SLC27A2: variants seen among roughly 807,000 people sequenced by gnomAD.
The protein encoded by SLC27A2 is long-chain fatty acid transport protein 2.
SLC27A2 carries 54 observed loss-of-function variants against 60.0 expected under a neutral mutation model. The observed-to-expected ratio is 0.90, with a 90% CI of 0.72 to 1.13. The LOEUF (loss-of-function observed/expected upper bound fraction) is 1.13, where lower values mean the gene tolerates loss of function less well. Ranked by LOEUF, SLC27A2 falls within the 50% of genes most tolerant of loss-of-function variation. The pLI, the probability that SLC27A2 is intolerant of heterozygous loss-of-function variation, is 0.00. For missense variants in SLC27A2, 739 were observed against 777.6 expected (o/e 0.95, Z 0.59); for synonymous variants, 297 against 297.6 (o/e 1.00, Z 0.02).
At chr15:50,230,596 A>T (rs8041232) in intron 8 of SLC27A2, among the ~76,000 whole-genome samples, 22,079 of 152,154 alleles carry the variant, frequency 0.15, 1,662 homozygotes, top group Middle Eastern at 0.18. Context: ...TCCCCAACTC[A>T]GGGACAATGA....
intron 2 of SLC27A2, among the ~76,000 whole-genome samples, chr15:50,199,906 C>A (rs1399898642): frequency 1.3e-5 from 2 of 152,114 alleles, no homozygotes; most frequent in African/African-American, 4.8e-5. Flanking sequence ...GGTGACAGAG[C>A]AAGGCACTGT....
intron 1 of SLC27A2, among the ~76,000 whole-genome samples, chr15:50,190,363 A>C (rs1030872118): frequency 6.6e-6 from 1 of 152,068 alleles, no homozygotes; most frequent in Non-Finnish European, 1.5e-5. Context: ...TCCTTTCACT[A>C]CCTTCCTTTT....
At chr15:50,222,920 T>C in intron 4 of SLC27A2, 45 bp from the exon 5 acceptor site, 1 of 1,450,108 alleles carries the variant, frequency 6.9e-7, no homozygotes, top group Non-Finnish European at 9.5e-7. Flanking sequence ...AAGCATAGGC[T>C]CCAGAGATGT....
At chr15:50,211,530 G>T (rs927447438) in intron 4 of SLC27A2, among the ~76,000 whole-genome samples, 1 of 152,138 alleles carries the variant, frequency 6.6e-6, no homozygotes, top group Non-Finnish European at 1.5e-5. Context: ...AAATGAGAAG[G>T]AATCAGAAAA....
At chr15:50,218,687 C>T (rs761218074) in intron 4 of SLC27A2, among the ~76,000 whole-genome samples, 3 of 151,590 alleles carry the variant, frequency 2.0e-5, no homozygotes, top group Non-Finnish European at 2.9e-5. Context: ...CAAGTCTCCA[C>T]AAAAAAATAG....
intron 1 of SLC27A2, among the ~76,000 whole-genome samples, chr15:50,196,061 A>AAAAAAATAAAAAAAT (rs1567428283): frequency 6.0e-5 from 1 of 16,716 alleles, no homozygotes; most frequent in Admixed American, 8.8e-4. Context: ...CTCAAAAAAA[A>AAAAAAATAAAAAAAT]AAAAAAAAAA....
chr15:50,235,850 C>A, intron 9 of SLC27A2, 70 bp from the exon 10 acceptor site: 1 of 1,269,426 alleles, frequency 7.9e-7, no homozygotes, highest in Non-Finnish European at 1.1e-6. Flanking sequence ...TGCCCCACCC[C>A]TACCCCTTGC....
At chr15:50,222,387 G>T (rs2045249275) in intron 4 of SLC27A2, among the ~76,000 whole-genome samples, 1 of 152,138 alleles carries the variant, frequency 6.6e-6, no homozygotes, top group Admixed American at 6.5e-5. Context: ...TCCAACTGTT[G>T]CTCTTTAATG....
At chr15:50,188,648 A>G (rs972641962) in intron 1 of SLC27A2, among the ~76,000 whole-genome samples, 2 of 152,190 alleles carry the variant, frequency 1.3e-5, no homozygotes, top group African/African-American at 2.4e-5. Context: ...TCTAGCACAT[A>G]GTAGGCAGGC....
In SLC27A2 at chr15:50,219,706, A is replaced by G. The variant is rs566171092; in HGVS notation, c.973-3259A>G. ...GCTATCACCTTTCATAGGGTTCTTTAGAAACAGGTCAACTGCCTGACCCAC... is the reference window on the plus strand; with the variant it reads ...GCTATCACCTTTCATAGGGTTCTTTGGAAACAGGTCAACTGCCTGACCCAC... On this transcript the variant is annotated intron_variant, in intron 4 of 9. Transcript: ENST00000267842. Among the ~76,000 whole-genome samples, 140 of 152,284 alleles carry G rather than the reference A, an allele frequency of 9.2e-4. 1 individual carries two copies. Among genetic ancestry groups the G allele is most frequent in the African/African-American group, 3.2e-3 (134 of 41,546 alleles).
At chr15:50,223,235 T>C (rs1221808470) in intron 5 of SLC27A2, 76 bp downstream of exon 5, 2 of 1,109,114 alleles carry the variant, frequency 1.8e-6, no homozygotes, top group Non-Finnish European at 2.6e-6. Context: ...CAAGTCATGA[T>C]GATGTTATCA....
chr15:50,200,801 T>G (rs903253147), intron 2 of SLC27A2, among the ~76,000 whole-genome samples: 1 of 152,188 alleles, frequency 6.6e-6, no homozygotes, highest in Admixed American at 6.5e-5. Context: ...GCAAGCGCAT[T>G]TAGTCTAATG....
Position 50,236,308 on chromosome 15 carries a change from A to G in SLC27A2, c.*212A>G. 2 of 409,802 alleles carry G rather than the reference A, an allele frequency of 4.9e-6. No individual in the cohort carries two copies. Among genetic ancestry groups the G allele is most frequent in the Non-Finnish European group, 8.5e-6 (2 of 234,000 alleles). The allele number at this position is 409,802 out of a possible 1,614,324, so 25.4% of individuals were successfully genotyped here. On this transcript the variant is annotated 3_prime_UTR_variant, in exon 10 of 10. Transcript: ENST00000267842. The stretch of plus-strand genomic sequence containing the variant: ...TTTTCAGTGTGCACCTACTGTTTGT[A>G]TTTGCAAACTGAGCTTGTTGGAGGG...
At chr15:50,201,204 G>A (rs561433008) in intron 2 of SLC27A2, among the ~76,000 whole-genome samples, 96 of 152,188 alleles carry the variant, frequency 6.3e-4, no homozygotes, top group African/African-American at 2.0e-3. Flanking sequence ...GACTGGTGCT[G>A]AACTCCTGGG....
intron 3 of SLC27A2, among the ~76,000 whole-genome samples, chr15:50,203,301 G>A (rs1267608865): frequency 6.6e-6 from 1 of 152,124 alleles, no homozygotes; most frequent in African/African-American, 2.4e-5. Flanking sequence ...CTGCAGTTGT[G>A]TGCACTCTTC....
At chr15:50,231,321 A>G (rs2045315461) in intron 8 of SLC27A2, among the ~76,000 whole-genome samples, 1 of 151,684 alleles carries the variant, frequency 6.6e-6, no homozygotes, top group African/African-American at 2.4e-5. Flanking sequence ...CTAATTTTGT[A>G]TTTTTAGTAA....
At chr15:50,226,142 G>T in intron 6 of SLC27A2, 64 bp downstream of exon 6, 1 of 1,023,676 alleles carries the variant, frequency 9.8e-7, no homozygotes, top group South Asian at 1.3e-5. Context: ...GACTTTTAAG[G>T]ACTAACATAT....
chr15:50,221,436 C>A (rs76985317), intron 4 of SLC27A2, among the ~76,000 whole-genome samples: 1 of 152,112 alleles, frequency 6.6e-6, no homozygotes, highest in Non-Finnish European at 1.5e-5. Flanking sequence ...CTCAAAAAGC[C>A]GCATATGTTC....
At chr15:50,227,228 G>T in intron 7 of SLC27A2, 50 bp downstream of exon 7, 1 of 1,458,446 alleles carries the variant, frequency 6.9e-7, no homozygotes, top group Non-Finnish European at 9.6e-7. Flanking sequence ...GCACAGTTTG[G>T]CTTACTCCTA....
Sources: gnomAD v4.1 joint callset for allele counts (sites outside exome capture counted in the v4.1 genomes callset) on GRCh38, gnomAD v4.1.1 for gene constraint, MANE v1.5 for transcripts, NCBI Gene and HGNC (gene_info 2026-07-23, HGNC 2026-07-21) for gene names.